IGSF10: variants seen among roughly 807,000 people sequenced by gnomAD.
The protein encoded by IGSF10 is immunoglobulin superfamily member 10, also known as calvaria mechanical force protein 608.
Under a neutral mutation model 128.2 loss-of-function variants are expected in IGSF10, and 126 were observed. That is an observed-to-expected ratio of 0.98 (90% CI 0.85 to 1.14). The LOEUF (loss-of-function observed/expected upper bound fraction) is 1.14. IGSF10 is among the 50% of genes most tolerant of loss of function. IGSF10 has a pLI of 0.00. For synonymous variants in IGSF10, 1,185 were observed against 1,146.2 expected (o/e 1.03, Z -0.68); for missense variants, 3,295 against 3,149.8 (o/e 1.05, Z -1.10).
At chr3:151,495,504 T>G in the IGSF10 span, among the ~76,000 whole-genome samples, 7 of 152,146 alleles carry the variant, frequency 4.6e-5, no homozygotes, top group African/African-American at 1.7e-4. Context: ...CAATTCTACA[T>G]TATCCGTGAC....
the IGSF10 span, among the ~76,000 whole-genome samples, chr3:151,483,625 C>G: frequency 6.6e-6 from 1 of 152,270 alleles, no homozygotes; most frequent in South Asian, 2.1e-4. Context: ...GGTCATCTCA[C>G]TGGGACTGGT....
Position 151,437,024 on chromosome 3 carries a change from C to CAACA in IGSF10, c.7533_7536dup (p.Gly2513CysfsTer55). The CAACA allele has an allele frequency of 6.2e-7, 1 of 1,614,102 alleles. No individual in the cohort carries two copies. Among genetic ancestry groups the CAACA allele is most frequent in the Middle Eastern group, 1.7e-4 (1 of 6,060 alleles). On this transcript the variant is annotated frameshift_variant, in exon 8 of 8. Coordinates refer to ENST00000282466, the MANE Select transcript of IGSF10 (RefSeq NM_178822.5). LOFTEE classifies it low-confidence loss of function (END_TRUNC). Reference sequence around the variant, plus strand: ...ACTGGAACAGTAATCAGTGTATGACCAACACTATTTTGAGCCTTACAGATA... The same window carrying CAACA: ...ACTGGAACAGTAATCAGTGTATGACCAACAAACACTATTTTGAGCCTTACAGATA...
the IGSF10 span, among the ~76,000 whole-genome samples, chr3:151,543,665 A>G: frequency 6.6e-6 from 1 of 152,162 alleles, no homozygotes; most frequent in Admixed American, 6.5e-5. Flanking sequence ...GGGCAATTAC[A>G]CCTTTTACAG....
In IGSF10 at chr3:151,446,939, C is replaced by T. The variant is rs766931700; in HGVS notation, c.3042G>A (p.Arg1014=). 9 of 1,614,182 alleles carry T rather than the reference C, an allele frequency of 5.6e-6. No individual in the cohort carries two copies. The highest frequency in any genetic ancestry group is 7.6e-6 in the Non-Finnish European group (9 of 1,180,034). The stretch of plus-strand genomic sequence containing the variant: ...TAATCCGCCCCCTTCCGCCAATTTT[C>T]CTCTGCCTCCCAAAGCGTCTGAACA... ...IPLFRRFGRQ[R]KIGGRGRIIS... Residue 1014 remains arginine, a synonymous_variant, in exon 6 of 8, where the codon AGG becomes AGA. Transcript: ENST00000282466.
chr3:151,524,342 A>G, the IGSF10 span, among the ~76,000 whole-genome samples: 4 of 152,190 alleles, frequency 2.6e-5, no homozygotes, highest in African/African-American at 9.6e-5. Flanking sequence ...TGTTCACTGC[A>G]GCACTATTCA....
chr3:151,603,580 A>T, the IGSF10 span, among the ~76,000 whole-genome samples: 9 of 152,214 alleles, frequency 5.9e-5, no homozygotes, highest in African/African-American at 2.2e-4. Context: ...AGAGAAGCTG[A>T]ACCAATCAGA....
At chr3:151,587,481 A>G in the IGSF10 span, among the ~76,000 whole-genome samples, 1 of 152,314 alleles carries the variant, frequency 6.6e-6, no homozygotes, top group East Asian at 1.9e-4. Context: ...GCAGTACTTG[A>G]ATGAATAATT....
chr3:151,503,799 G>A, the IGSF10 span, among the ~76,000 whole-genome samples: 1 of 152,114 alleles, frequency 6.6e-6, no homozygotes, highest in Admixed American at 6.6e-5. Flanking sequence ...TAGTTTGGCA[G>A]GTAGAGGGTT....
At position 151,448,735 on chromosome 3, in the gene IGSF10, T is replaced by TA; in HGVS notation, c.1245dup (p.Thr416TyrfsTer40). 6.2e-7 allele frequency: 1 copy of TA among 1,613,728 alleles called. No individual in the cohort carries two copies. ...GCTCTGAGATCTGCCTCTATGTTGG[T>TA]AAAAATGTCTTCAGGCTTAGGAGCC... On this transcript the variant is annotated frameshift_variant, in exon 6 of 8. Transcript: ENST00000282466. LOFTEE classifies it high-confidence loss of function.
At chr3:151,587,795 C>T in the IGSF10 span, among the ~76,000 whole-genome samples, 4 of 152,188 alleles carry the variant, frequency 2.6e-5, no homozygotes, top group Non-Finnish European at 4.4e-5. Context: ...GAATGAGACT[C>T]ATGAGATCTG....
chr3:151,460,185 A>C (rs1305724411), intron 2 of IGSF10, 76 bp downstream of exon 2: 1 of 306,062 alleles, frequency 3.3e-6, no homozygotes, highest in African/African-American at 2.3e-5. Flanking sequence ...TCAATAGCAT[A>C]AGACAACACA....
the IGSF10 span, among the ~76,000 whole-genome samples, chr3:151,543,932 C>T: frequency 4.6e-5 from 7 of 152,154 alleles, no homozygotes; most frequent in Non-Finnish European, 7.3e-5. Context: ...TTTATTGAGA[C>T]GGAGTTTTAC....
At chr3:151,569,290 T>C in the IGSF10 span, among the ~76,000 whole-genome samples, 1 of 152,152 alleles carries the variant, frequency 6.6e-6, no homozygotes, top group African/African-American at 2.4e-5. Context: ...CAGGCTGGTC[T>C]TGAACCCCTG....
At chr3:151,606,133 C>T in the IGSF10 span, among the ~76,000 whole-genome samples, 3 of 152,194 alleles carry the variant, frequency 2.0e-5, no homozygotes, top group Admixed American at 6.5e-5. Flanking sequence ...GTTCTGCCAC[C>T]TGTCTAAACA....
chr3:151,437,002 G>A lies in IGSF10; in HGVS notation c.7559C>T (p.Pro2520Leu). 6.2e-7 allele frequency: 1 copy of A among 1,614,156 alleles called. No individual in the cohort carries two copies. ...NSVGHTLITV[P>L]VMIVAYPPRI... is the part of the protein sequence containing the mutation. ...GGGAGGGTAGGCTACAATCATTACTGGAACAGTAATCAGTGTATGACCAAC... is the reference window on the plus strand; with the variant it reads ...GGGAGGGTAGGCTACAATCATTACTAGAACAGTAATCAGTGTATGACCAAC... The change falls in exon 8 of 8, where the codon CCA (proline) becomes CTA (leucine). Residue 2520 changes from proline (P) to leucine (L), a missense_variant. Coordinates refer to ENST00000282466, the MANE Select transcript of IGSF10 (RefSeq NM_178822.5).
the IGSF10 span, among the ~76,000 whole-genome samples, chr3:151,563,237 C>A: frequency 6.6e-6 from 1 of 152,144 alleles, no homozygotes; most frequent in African/African-American, 2.4e-5. Flanking sequence ...GTGAGAGTGA[C>A]TTTCTTCCCA....
the IGSF10 span, among the ~76,000 whole-genome samples, chr3:151,526,327 G>GTT: frequency 2.8e-5 from 4 of 144,078 alleles, no homozygotes; most frequent in Middle Eastern, 3.7e-3. Context: ...TTTCTTGATT[G>GTT]TTTTTTTTTT....
In IGSF10 at chr3:151,445,105, C is replaced by A. The variant is rs756261000; in HGVS notation, c.4876G>T (p.Val1626Phe). ...TKKSDFDKKP[V>F]QEATTSKLLP... ...AGTTTGGAAGTTGTTGCTTCTTGAA[C>A]TGGTTTCTTATCAAAGTCACTCTTC... Residue 1626 changes from valine to phenylalanine, a missense_variant, in exon 6 of 8, where the codon GTT (valine) becomes TTT (phenylalanine). Transcript: ENST00000282466. 1.2e-6 allele frequency: 2 copies of A among 1,614,144 alleles called. No individual in the cohort carries two copies. The highest frequency in any genetic ancestry group is 2.2e-5 in the East Asian group (1 of 44,888).
At chr3:151,530,702 C>T in the IGSF10 span, among the ~76,000 whole-genome samples, 1 of 152,284 alleles carries the variant, frequency 6.6e-6, no homozygotes, top group Admixed American at 6.5e-5. Flanking sequence ...CTTACAAGAG[C>T]TCCTGAGGGA....
Sources: gnomAD v4.1 joint callset for allele counts (sites outside exome capture counted in the v4.1 genomes callset) on GRCh38, gnomAD v4.1.1 for gene constraint, MANE v1.5 for transcripts, NCBI Gene and HGNC (gene_info 2026-07-23, HGNC 2026-07-21) for gene names.